Variants in WDR7 observed in about 807,000 individuals in gnomAD.
The protein encoded by WDR7 is WD repeat-containing protein 7.
In WDR7, 46 loss-of-function variants were observed where a neutral mutation model predicts 169.4. That is an observed-to-expected ratio of 0.27 (90% CI 0.21 to 0.35). The LOEUF (loss-of-function observed/expected upper bound fraction) is 0.35. WDR7 is among the 10% of genes least tolerant of loss of function. The probability of loss-of-function intolerance (pLI) is 1.00; values close to 1 mark genes in which losing one functional copy is unlikely to be tolerated. For synonymous variants in WDR7, 612 were observed against 666.8 expected (o/e 0.92, Z 1.27); for missense variants, 1,534 against 1,859.3 (o/e 0.83, Z 3.22).
At chr18:56,948,808 C>T (rs1324000337) in intron 25 of WDR7, among the ~76,000 whole-genome samples, 1 of 152,172 alleles carries the variant, frequency 6.6e-6, no homozygotes, top group African/African-American at 2.4e-5. Flanking sequence ...GGTGTGCACT[C>T]TTACACAGGC....
chr18:56,729,067 C>A (rs1051846180), intron 13 of WDR7, among the ~76,000 whole-genome samples: 2 of 152,122 alleles, frequency 1.3e-5, no homozygotes, highest in African/African-American at 2.4e-5. Context: ...GGAGCTTTTG[C>A]AGGTAGTATA....
chr18:56,678,470 C>T (rs1457223205), intron 2 of WDR7, among the ~76,000 whole-genome samples: 3 of 60,436 alleles, frequency 5.0e-5, no homozygotes, highest in African/African-American at 1.7e-4. Context: ...AAAGCTGTAT[C>T]TGCTTTAGGG....
chr18:56,877,353 C>T (rs1320766142), intron 20 of WDR7, among the ~76,000 whole-genome samples: 1 of 152,128 alleles, frequency 6.6e-6, no homozygotes, highest in East Asian at 1.9e-4. Context: ...GCCACCATAT[C>T]CTACCCTCTG....
At chr18:57,023,550 A>G (rs1221091326) in intron 27 of WDR7, among the ~76,000 whole-genome samples, 1 of 152,218 alleles carries the variant, frequency 6.6e-6, no homozygotes, top group Non-Finnish European at 1.5e-5. Flanking sequence ...TTCAGAAAAT[A>G]ATCTTCAAAG....
At chr18:56,940,773 C>T (rs567900646) in intron 25 of WDR7, among the ~76,000 whole-genome samples, 31 of 152,200 alleles carry the variant, frequency 2.0e-4, no homozygotes, top group Admixed American at 1.7e-3. Context: ...CCTTATAGCA[C>T]CAGCCACTGG....
At chr18:56,905,242 G>T (rs1020180142) in intron 21 of WDR7, among the ~76,000 whole-genome samples, 6 of 152,166 alleles carry the variant, frequency 3.9e-5, no homozygotes, top group African/African-American at 7.2e-5. Flanking sequence ...TCCACCTCCT[G>T]GGTTCAAGAG....
chr18:56,862,669 G>T (rs1184632424), intron 20 of WDR7, among the ~76,000 whole-genome samples: 6 of 151,830 alleles, frequency 4.0e-5, no homozygotes, highest in Non-Finnish European at 7.4e-5. Flanking sequence ...ATGTCTTTCA[G>T]GTTATATATA....
chr18:56,738,873 C>T (rs1014252154), intron 14 of WDR7, among the ~76,000 whole-genome samples: 2 of 100,636 alleles, frequency 2.0e-5, no homozygotes, highest in Non-Finnish European at 3.7e-5. Context: ...TGATTCCTAT[C>T]TTTTAATTAA....
intron 20 of WDR7, among the ~76,000 whole-genome samples, chr18:56,862,892 A>C (rs1035541048): frequency 6.6e-6 from 1 of 151,874 alleles, no homozygotes; most frequent in Admixed American, 6.6e-5. Context: ...GAATCAGGAT[A>C]AGTTGCAACT....
intron 19 of WDR7, among the ~76,000 whole-genome samples, chr18:56,803,671 G>A (rs1342335391): frequency 6.6e-6 from 1 of 152,040 alleles, no homozygotes; most frequent in African/African-American, 2.4e-5. Flanking sequence ...ATAACAATAA[G>A]CAAAAATTGA....
intron 1 of WDR7, among the ~76,000 whole-genome samples, chr18:56,657,949 G>A (rs1422764452): frequency 6.7e-6 from 1 of 149,764 alleles, no homozygotes; most frequent in Non-Finnish European, 1.5e-5. Flanking sequence ...TTTTTTGGCT[G>A]TTGATTACTT....
At chr18:56,794,146 A>G (rs1404284320) in intron 19 of WDR7, among the ~76,000 whole-genome samples, 1 of 151,806 alleles carries the variant, frequency 6.6e-6, no homozygotes, top group Non-Finnish European at 1.5e-5. Context: ...AATGTAATGA[A>G]CTTTCATATA....
intron 13 of WDR7, among the ~76,000 whole-genome samples, chr18:56,723,935 A>G (rs2026379327): frequency 6.6e-6 from 1 of 150,878 alleles, no homozygotes; most frequent in Non-Finnish European, 1.5e-5. Flanking sequence ...AAGCTTACTG[A>G]TATTTTCTTC....
At chr18:57,010,637 TAATC>T (rs1402159233) in intron 26 of WDR7, among the ~76,000 whole-genome samples, 3 of 151,882 alleles carry the variant, frequency 2.0e-5, no homozygotes, top group East Asian at 1.9e-4. Context: ...TCTATATAAT[TAATC>T]ATTTCAACAT....
intron 2 of WDR7, among the ~76,000 whole-genome samples, chr18:56,678,347 C>G (rs963529087): frequency 3.3e-5 from 5 of 152,118 alleles, no homozygotes; most frequent in Non-Finnish European, 7.3e-5. Flanking sequence ...TTTGTCTTGT[C>G]TGGCCATGGA....
chr18:56,872,406 A>G (rs1208863591), intron 20 of WDR7, among the ~76,000 whole-genome samples: 1 of 152,088 alleles, frequency 6.6e-6, no homozygotes, highest in Non-Finnish European at 1.5e-5. Flanking sequence ...AAACTTCTCA[A>G]ATATTTTACC....
intron 20 of WDR7, among the ~76,000 whole-genome samples, chr18:56,817,333 G>C (rs1244959505): frequency 2.8e-5 from 4 of 143,684 alleles, no homozygotes; most frequent in Admixed American, 7.1e-5. Context: ...AACAGAGTGA[G>C]ACTCTGTCTC....
intron 26 of WDR7, among the ~76,000 whole-genome samples, chr18:57,014,889 G>A (rs2048186166): frequency 6.6e-6 from 1 of 151,966 alleles, no homozygotes; most frequent in African/African-American, 2.4e-5. Context: ...GTAAAAGAGG[G>A]GGCAGGCTGC....
chr18:56,654,790 CAT>C (rs1395774193), intron 1 of WDR7, among the ~76,000 whole-genome samples: 1 of 152,204 alleles, frequency 6.6e-6, no homozygotes, highest in Non-Finnish European at 1.5e-5. Context: ...ACTGCTAATT[CAT>C]AGTTTTCTTT....
Sources: allele counts gnomAD v4.1 joint callset (sites outside exome capture counted in the v4.1 genomes callset), GRCh38; gene constraint gnomAD v4.1.1; transcripts MANE v1.5; gene names NCBI Gene and HGNC (gene_info 2026-07-23, HGNC 2026-07-21).